The following ATP9A variants were observed in gnomAD, a reference collection of about 807,000 sequenced individuals.
ATP9A encodes the protein probable phospholipid-transporting ATPase IIA.
In ATP9A, 52 loss-of-function variants were observed where a neutral mutation model predicts 144.1. The observed-to-expected ratio is 0.36, with a 90% confidence interval of 0.29 to 0.45. The LOEUF is 0.45. ATP9A is among the 20% of genes least tolerant of loss of function. ATP9A has a pLI of 1.00. For missense variants in ATP9A, 947 were observed against 1,392.7 expected, an observed-to-expected ratio of 0.68 and a Z score of 5.09; for synonymous variants, 582 against 557.4, an observed-to-expected ratio of 1.04 and a Z score of -0.62.
At chr20:51,663,896 G>A (rs1192159754) in intron 13 of ATP9A, among the ~76,000 whole-genome samples, 1 of 151,980 alleles carries the variant, frequency 6.6e-6, no homozygotes, top group Non-Finnish European at 1.5e-5. Context: ...CAGTACTGAT[G>A]AACTGAGTGC....
At chr20:51,606,176 G>T (rs1169228864) in intron 26 of ATP9A, among the ~76,000 whole-genome samples, 1 of 150,346 alleles carries the variant, frequency 6.7e-6, no homozygotes, top group Non-Finnish European at 1.5e-5. Context: ...AGAATCGCTT[G>T]AAACCATAAG....
At chr20:51,678,639 ACAGTGGGAACCGAGC>A (rs2077487292) in intron 9 of ATP9A, among the ~76,000 whole-genome samples, 1 of 152,144 alleles carries the variant, frequency 6.6e-6, no homozygotes, top group South Asian at 2.1e-4. Context: ...AGATGGCTGG[ACAGTGGGAACCGAGC>A]CCGGGCTGAG....
chr20:51,645,191 C>T (rs1456856779), intron 14 of ATP9A, among the ~76,000 whole-genome samples: 1 of 152,214 alleles, frequency 6.6e-6, no homozygotes, highest in Non-Finnish European at 1.5e-5. Flanking sequence ...ATATCTGTAG[C>T]CCTTCCCCAC....
chr20:51,666,139 C>T (rs2077431874), intron 13 of ATP9A, among the ~76,000 whole-genome samples: 1 of 152,126 alleles, frequency 6.6e-6, no homozygotes, highest in African/African-American at 2.4e-5. Flanking sequence ...GGAGATGGAA[C>T]TGAAATGTAA....
At chr20:51,701,160 C>T (rs895186289) in intron 4 of ATP9A, among the ~76,000 whole-genome samples, 3 of 152,156 alleles carry the variant, frequency 2.0e-5, no homozygotes, top group African/African-American at 7.2e-5. Context: ...CACCCGGGTT[C>T]AGATCTTCAA....
chr20:51,682,280 C>A (rs1601101326), intron 9 of ATP9A, among the ~76,000 whole-genome samples: 1 of 152,054 alleles, frequency 6.6e-6, no homozygotes, highest in African/African-American at 2.4e-5. Flanking sequence ...CCACCAAGCA[C>A]TATGTTTAGG....
At chr20:51,667,557 G>C (rs1016853913) in intron 13 of ATP9A, among the ~76,000 whole-genome samples, 2 of 152,202 alleles carry the variant, frequency 1.3e-5, no homozygotes, top group African/African-American at 4.8e-5. Flanking sequence ...CTGGAAGGCT[G>C]AAACATGGGA....
chr20:51,761,304 AT>A (rs1358841863), intron 1 of ATP9A, among the ~76,000 whole-genome samples: 1 of 152,178 alleles, frequency 6.6e-6, no homozygotes, highest in Non-Finnish European at 1.5e-5. Context: ...CTCAGGCAAA[AT>A]GTAGGACCTC....
At chr20:51,697,552 G>T in intron 4 of ATP9A, 70 bp from the exon 5 acceptor site, 4 of 1,448,606 alleles carry the variant, frequency 2.8e-6, no homozygotes, top group Non-Finnish European at 2.9e-6. Context: ...TTTACAGAGT[G>T]CCCAGCCTGC....
rs1365541027 is a variant in ATP9A, at chr20:51,639,256, G to GT, written c.1668+86_1668+87insA. 3 of 1,376,204 alleles carry GT rather than the reference G, an allele frequency of 2.2e-6. No individual in the cohort carries two copies. The African/African-American group carries it at 4.4e-5, about 20-fold the overall frequency. 85.2% of individuals were successfully genotyped at this position (1,376,204 alleles called of 1,614,324 possible). On this transcript the variant is annotated intron_variant, in intron 15 of 27. Coordinates refer to ENST00000338821, the MANE Select transcript of ATP9A (RefSeq NM_006045.3). Reference sequence around the variant, plus strand: ...TGGGTGACAGATACCACAGTAAAGAGGGTTAGAAAGAATGTCAACCCACAG... The same window carrying GT: ...TGGGTGACAGATACCACAGTAAAGAGTGGTTAGAAAGAATGTCAACCCACAG...
intron 1 of ATP9A, among the ~76,000 whole-genome samples, chr20:51,751,492 G>T (rs1243120630): frequency 6.6e-6 from 1 of 151,874 alleles, no homozygotes; most frequent in African/African-American, 2.4e-5. Flanking sequence ...GAACTCCTGG[G>T]CTTAAGAAAT....
intron 23 of ATP9A, among the ~76,000 whole-genome samples, chr20:51,612,835 A>T (rs2077189779): frequency 6.6e-6 from 1 of 152,226 alleles, no homozygotes; most frequent in South Asian, 2.1e-4. Context: ...TTCCAAGGGT[A>T]TTCGTGATCA....
At chr20:51,631,552 A>G (rs1284187939) in intron 15 of ATP9A, among the ~76,000 whole-genome samples, 2 of 152,136 alleles carry the variant, frequency 1.3e-5, no homozygotes, top group African/African-American at 4.8e-5. Context: ...CCCTCCCATG[A>G]GTCACTTCCT....
At chr20:51,671,286 A>C in intron 11 of ATP9A, 29 bp from the exon 12 acceptor site, 1 of 1,607,224 alleles carries the variant, frequency 6.2e-7, no homozygotes, top group Non-Finnish European at 8.5e-7. Context: ...CAAACAGGCT[A>C]ACAGGACAGA....
intron 1 of ATP9A, among the ~76,000 whole-genome samples, chr20:51,752,095 C>T (rs1012534770): frequency 2.0e-5 from 3 of 151,976 alleles, no homozygotes; most frequent in Admixed American, 6.6e-5. Context: ...TGCTACTCAG[C>T]GGTAGGTGGC....
At chr20:51,621,728 C>T (rs1309202260) in intron 19 of ATP9A, among the ~76,000 whole-genome samples, 1 of 152,038 alleles carries the variant, frequency 6.6e-6, no homozygotes, top group East Asian at 1.9e-4. Flanking sequence ...CCGTGAAATC[C>T]CAGGAATCCC....
At chr20:51,620,473 C>A (rs2077222096) in intron 19 of ATP9A, among the ~76,000 whole-genome samples, 1 of 152,094 alleles carries the variant, frequency 6.6e-6, no homozygotes, top group Non-Finnish European at 1.5e-5. Context: ...AAATATATAA[C>A]CTTATTTTAT....
chr20:51,620,019 T>C (rs1449590792), intron 19 of ATP9A, among the ~76,000 whole-genome samples: 2 of 152,184 alleles, frequency 1.3e-5, no homozygotes, highest in Non-Finnish European at 2.9e-5. Context: ...AACTGAAGCA[T>C]GGTGACATCT....
chr20:51,760,646 G>A (rs1272306159), intron 1 of ATP9A, among the ~76,000 whole-genome samples: 1 of 149,230 alleles, frequency 6.7e-6, no homozygotes, highest in African/African-American at 2.5e-5. Context: ...AGAATCACTT[G>A]AACTGGGAGG....
Sources: allele counts gnomAD v4.1 joint callset (sites outside exome capture counted in the v4.1 genomes callset), GRCh38; gene constraint gnomAD v4.1.1; transcripts MANE v1.5; gene names NCBI Gene and HGNC (gene_info 2026-07-23, HGNC 2026-07-21).